Variants in BTBD8 observed in about 807,000 individuals in gnomAD.
BTBD8 encodes BTB/POZ domain-containing protein 8.
BTBD8 carries 110 observed loss-of-function variants against 162.9 expected under a neutral mutation model. That is an observed-to-expected ratio of 0.68 (90% CI 0.58 to 0.79). BTBD8 has a LOEUF of 0.79. Among genes scored for constraint, BTBD8 ranks in the 30% least tolerant of loss-of-function variants. The pLI, the probability that BTBD8 is intolerant of heterozygous loss-of-function variation, is 0.00. For missense variants in BTBD8, 1,905 were observed against 2,085.4 expected, an observed-to-expected ratio of 0.91 and a Z score of 1.68; for synonymous variants, 667 against 716.1, an observed-to-expected ratio of 0.93 and a Z score of 1.10.
At chr1:92,082,444 A>C (rs1178739122) in intron 1 of BTBD8, among the ~76,000 whole-genome samples, 1 of 152,192 alleles carries the variant, frequency 6.6e-6, no homozygotes, top group East Asian at 1.9e-4. Context: ...GAAATGGCTA[A>C]ATAAAAGTGA....
At chr1:92,113,605 T>C (rs961920212) in intron 4 of BTBD8, among the ~76,000 whole-genome samples, 2 of 152,204 alleles carry the variant, frequency 1.3e-5, no homozygotes, top group African/African-American at 4.8e-5. Context: ...CTTATTGTCC[T>C]TGCTGGCCTC....
intron 4 of BTBD8, among the ~76,000 whole-genome samples, chr1:92,121,858 A>G (rs1470546320): frequency 6.7e-6 from 1 of 149,090 alleles, no homozygotes; most frequent in East Asian, 2.0e-4. Flanking sequence ...TTTTTTTGAG[A>G]CAGAGTCTTG....
chr1:92,083,400 T>G, intron 1 of BTBD8, among the ~76,000 whole-genome samples: 1 of 152,162 alleles, frequency 6.6e-6, no homozygotes. Flanking sequence ...ACATCTTTGC[T>G]CAAGTTCTCC....
intron 16 of BTBD8, among the ~76,000 whole-genome samples, chr1:92,178,740 C>G (rs2100689336): frequency 6.6e-6 from 1 of 152,270 alleles, no homozygotes; most frequent in African/African-American, 2.4e-5. Flanking sequence ...CCTCCTTCCT[C>G]TGCCTCCCAA....
intron 2 of BTBD8, among the ~76,000 whole-genome samples, chr1:92,089,985 C>T (rs1487110603): frequency 6.6e-6 from 1 of 152,134 alleles, no homozygotes; most frequent in Non-Finnish European, 1.5e-5. Flanking sequence ...TTATTTCTTT[C>T]TGTTGTTGCA....
At chr1:92,107,763 C>A in intron 3 of BTBD8, 121 bp from the exon 4 acceptor site, 1 of 714,202 alleles carries the variant, frequency 1.4e-6, no homozygotes, top group Non-Finnish European at 2.2e-6. Context: ...TTTAATTTAC[C>A]ACTTACATAT....
chr1:92,180,124 C>T, intron 16 of BTBD8, 141 bp from the exon 17 acceptor site: 1 of 598,788 alleles, frequency 1.7e-6, no homozygotes, highest in Non-Finnish European at 2.7e-6. Flanking sequence ...TGTGCTTGTC[C>T]ATTTGATCAT....
intron 2 of BTBD8, among the ~76,000 whole-genome samples, chr1:92,092,641 G>A (rs951530420): frequency 6.6e-6 from 1 of 152,198 alleles, no homozygotes; most frequent in African/African-American, 2.4e-5. Context: ...ACCCATAAAT[G>A]TGAGGGTTTA....
chr1:92,178,097 A>G (rs767120455), intron 15 of BTBD8, among the ~76,000 whole-genome samples, 199 bp downstream of exon 15: 3 of 152,196 alleles, frequency 2.0e-5, no homozygotes, highest in Non-Finnish European at 2.9e-5. Flanking sequence ...AAAAGAATAT[A>G]TTAATGTGTA....
chr1:92,182,449 A>G lies in BTBD8; in HGVS notation c.4766A>G (p.His1589Arg), dbSNP rs2093907636. The G allele has an allele frequency of 6.4e-7, 1 of 1,551,546 alleles. No individual in the cohort carries two copies. Among genetic ancestry groups the G allele is most frequent in the Non-Finnish European group, 8.7e-7 (1 of 1,146,922 alleles). Reference sequence around the variant, plus strand: ...GAAAGACCATGTCACTTGGATCTTCATCAAAGAGAACCCAATTCTGACATA... The same window carrying G: ...GAAAGACCATGTCACTTGGATCTTCGTCAAAGAGAACCCAATTCTGACATA... ...SQERPCHLDL[H>R]QREPNSDIPK... The change falls in exon 17 of 18, where the codon CAT becomes CGT. Residue 1589 changes from histidine to arginine, a missense_variant. By Grantham distance (29) the His-to-Arg change is conservative. Transcript: ENST00000636805.
rs1420191805 is a variant in BTBD8 at position 92,102,510 on chromosome 1, GA to G, written c.387del (p.Glu130ArgfsTer8). The G allele has an allele frequency of 6.4e-7, 1 of 1,557,446 alleles. No homozygotes were observed. The highest frequency in any genetic ancestry group is 1.4e-5 in the African/African-American group (1 of 72,288). ...YSSNRNIKNY[E>X]EEILRKKIME... ...ATCAAACAGAAACATAAAAAACTATGAAGAGGAAATTCTTAGGAAAAAGATA... is the reference window on the plus strand; with the variant it reads ...ATCAAACAGAAACATAAAAAACTATGAGAGGAAATTCTTAGGAAAAAGATA... On this transcript the variant is annotated frameshift_variant, in exon 3 of 18. Coordinates refer to ENST00000636805, the MANE Select transcript of BTBD8 (RefSeq NM_001376131.1). LOFTEE classifies it high-confidence loss of function.
chr1:92,118,445 A>G (rs1252502373), intron 4 of BTBD8, among the ~76,000 whole-genome samples: 1 of 151,920 alleles, frequency 6.6e-6, no homozygotes, highest in Non-Finnish European at 1.5e-5. Flanking sequence ...CATTTTCATT[A>G]TATCATATTA....
intron 3 of BTBD8, among the ~76,000 whole-genome samples, chr1:92,103,884 C>T (rs1648658960): frequency 6.6e-6 from 1 of 152,180 alleles, no homozygotes; most frequent in South Asian, 2.1e-4. Context: ...CATGCTAAAA[C>T]ATAAAAATAT....
chr1:92,146,931 T>C (rs1649939501), intron 7 of BTBD8, among the ~76,000 whole-genome samples: 1 of 152,176 alleles, frequency 6.6e-6, no homozygotes, highest in South Asian at 2.1e-4. Context: ...GTTTAGGTTT[T>C]TGTGTAGAAA....
chr1:92,090,064 A>G (rs979494620), intron 2 of BTBD8, among the ~76,000 whole-genome samples: 23 of 152,258 alleles, frequency 1.5e-4, no homozygotes, highest in African/African-American at 4.1e-4. Flanking sequence ...TGTTTCTATT[A>G]ATACTTTTTG....
At chr1:92,159,369 G>GT (rs1650235421) in intron 9 of BTBD8, among the ~76,000 whole-genome samples, 1 of 151,642 alleles carries the variant, frequency 6.6e-6, no homozygotes, top group Admixed American at 6.6e-5. Flanking sequence ...TAGAGACAGG[G>GT]TTTTGCCATA....
At chr1:92,109,843 G>A (rs944075409) in intron 4 of BTBD8, among the ~76,000 whole-genome samples, 3 of 152,162 alleles carry the variant, frequency 2.0e-5, no homozygotes, top group Non-Finnish European at 4.4e-5. Flanking sequence ...TTCTAGTGGT[G>A]TGGCTAAAAA....
In BTBD8 at chr1:92,144,055, C is replaced by T. The variant is rs188815736; in HGVS notation, c.930+2844C>T. Among the ~76,000 whole-genome samples the T allele has an allele frequency of 5.9e-3, 844 of 142,986 alleles. 25 individuals are homozygous for T. The highest frequency in any genetic ancestry group is 0.048 in the Admixed American group (662 of 13,684). The allele number at this position is 142,986 out of a possible 152,430, so 93.8% of individuals were successfully genotyped here. On this transcript the variant is annotated intron_variant, in intron 7 of 17. Coordinates refer to ENST00000636805, the MANE Select transcript of BTBD8 (RefSeq NM_001376131.1). The stretch of plus-strand genomic sequence containing the variant: ...GTGGTGCGATCTCAGCTCACTGTAA[C>T]CTCTGCCTCCCAGGTTCAAGCGATT...
chr1:92,117,507 C>A (rs896191718), intron 4 of BTBD8, among the ~76,000 whole-genome samples: 4 of 151,608 alleles, frequency 2.6e-5, no homozygotes, highest in African/African-American at 9.7e-5. Flanking sequence ...TCTTAGTGCC[C>A]CAAGTATTCA....
Sources: allele counts gnomAD v4.1 joint callset (sites outside exome capture counted in the v4.1 genomes callset), GRCh38; gene constraint gnomAD v4.1.1; transcripts MANE v1.5; gene names NCBI Gene and HGNC (gene_info 2026-07-23, HGNC 2026-07-21).